Variants in TDRD10 observed in about 807,000 individuals in gnomAD.
TDRD10 encodes the protein tudor domain containing 10.
In TDRD10, 40 loss-of-function variants were observed where a neutral mutation model predicts 48.0. That is an observed-to-expected ratio of 0.83 (90% CI 0.65 to 1.09). The LOEUF is 1.09. Ranked by LOEUF, TDRD10 falls within the 50% of genes least tolerant of loss-of-function variation. TDRD10 has a pLI of 0.00. For synonymous variants in TDRD10, 162 were observed against 170.4 expected (o/e 0.95, Z 0.38); for missense variants, 378 against 434.7 (o/e 0.87, Z 1.16).
In TDRD10 at chr1:154,502,235, C is replaced by T. The variant is rs1414627283; in HGVS notation, c.-822C>T. On this transcript the variant is annotated 5_prime_UTR_variant, in exon 1 of 13. Transcript: ENST00000368482. ...CCCGGGCTCGTCTTCAACGCCTGCC[C>T]GGCCCGAGGACACCGTGGCTCTCGG... The T allele has an allele frequency of 7.6e-6, 2 of 263,330 alleles. No homozygotes were observed. Among genetic ancestry groups the T allele is most frequent in the African/African-American group, 2.2e-5 (1 of 44,552 alleles). The allele number at this position is 263,330 out of a possible 1,614,324, so 16.3% of individuals were successfully genotyped here.
chr1:154,517,823 G>A (rs915947014), intron 4 of TDRD10, among the ~76,000 whole-genome samples: 1 of 152,152 alleles, frequency 6.6e-6, no homozygotes, highest in Non-Finnish European at 1.5e-5. Flanking sequence ...GAACCGGCTT[G>A]TACGCATATC....
intron 6 of TDRD10, 67 bp downstream of exon 6, chr1:154,521,546 C>A: frequency 6.5e-7 from 1 of 1,531,568 alleles, no homozygotes; most frequent in South Asian, 1.2e-5. Context: ...GCTGACTTTG[C>A]TTTCAGTGCT....
chr1:154,504,967 A>G (rs571953991), intron 1 of TDRD10, among the ~76,000 whole-genome samples: 65 of 152,320 alleles, frequency 4.3e-4, no homozygotes, highest in African/African-American at 1.4e-3. Flanking sequence ...AGCCTGGGCG[A>G]CAGAGTGAGA....
chr1:154,533,295 C>G (rs1694744996), intron 6 of TDRD10, among the ~76,000 whole-genome samples: 1 of 150,784 alleles, frequency 6.6e-6, no homozygotes, highest in Non-Finnish European at 1.5e-5. Context: ...TACAAGCTTT[C>G]TGTCTTCCTA....
At chr1:154,540,062 T>C (rs1343399174) in intron 6 of TDRD10, among the ~76,000 whole-genome samples, 5 of 152,168 alleles carry the variant, frequency 3.3e-5, no homozygotes, top group Non-Finnish European at 7.3e-5. Context: ...GTCAAGACTT[T>C]GGGTTTTATT....
chr1:154,542,760 G>A lies in TDRD10; in HGVS notation c.442G>A (p.Val148Ile), dbSNP rs1017822728. The change falls in exon 8 of 13, where the codon GTT (valine) becomes ATT (isoleucine). Residue 148 changes from valine (V) to isoleucine (I), a missense_variant. Val to Ile is a conservative substitution (Grantham distance 29, BLOSUM62 3). Transcript: ENST00000368482. ...AIIQLAPKAP[V>I]DLCETEKLRA... is the part of the protein sequence containing the mutation. ...TATACAGCTCGCTCCTAAAGCTCCT[G>A]TTGACCTGTGTGAGACAGAGAAACT... 6.2e-7 allele frequency: 1 copy of A among 1,613,938 alleles called. No homozygotes were observed. Among genetic ancestry groups the A allele is most frequent in the Non-Finnish European group, 8.5e-7 (1 of 1,179,872 alleles).
chr1:154,505,049 T>A lies in TDRD10; in HGVS notation c.-27-1828T>A, dbSNP rs536769556. On this transcript the variant is annotated intron_variant, in intron 1 of 12. Coordinates refer to ENST00000368482, the MANE Select transcript of TDRD10 (RefSeq NM_182499.4). ...TAGGTTACTTCTCCAGACCAAACAATAGATTGGAAGGAAACTCAGGACTTT... is the reference window on the plus strand; with the variant it reads ...TAGGTTACTTCTCCAGACCAAACAAAAGATTGGAAGGAAACTCAGGACTTT... Among the ~76,000 whole-genome samples the A allele has an allele frequency of 2.6e-5, 4 of 152,228 alleles. No homozygotes were observed. In the East Asian group the frequency reaches 7.7e-4, roughly 29 times the overall value.
At position 154,544,572 on chromosome 1, in the gene TDRD10, C is replaced by T. The variant is rs536860051; in HGVS notation, c.797+55C>T. ...GGGAGAGGCGTGCAGGGAAAATGCT[C>T]CCTTCTTGCATTCTCTTCCTTTGGG... On this transcript the variant is annotated intron_variant, in intron 10 of 12. Transcript: ENST00000368482. The T allele has an allele frequency of 3.2e-6, 5 of 1,577,060 alleles. No homozygotes were observed. In the South Asian group the frequency reaches 5.8e-5, roughly 18 times the overall value.
intron 4 of TDRD10, among the ~76,000 whole-genome samples, chr1:154,519,978 G>C (rs1298886556): frequency 6.6e-6 from 1 of 152,220 alleles, no homozygotes; most frequent in African/African-American, 2.4e-5. Flanking sequence ...CTTCCTGGGA[G>C]CATACCCTGA....
chr1:154,521,352 A>G lies in TDRD10; in HGVS notation c.242A>G (p.Gln81Arg), dbSNP rs1463666085. The change falls in exon 6 of 13, where the codon CAG becomes CGG. Residue 81 changes from glutamine to arginine, a missense_variant. Around this residue, in one of 2 missense-constraint regions of TDRD10, gnomAD observed 310 missense variants for 323.6 expected, o/e 0.96. Transcript: ENST00000368482. ...CFAFVDLGSM[Q>R]KVTLAIQELN... is the part of the protein sequence containing the mutation. ...GCATTTGTAGATCTGGGCTCCATGCAGAAAGTGACACTTGCAATCCAGGAG... is the reference window on the plus strand; with the variant it reads ...GCATTTGTAGATCTGGGCTCCATGCGGAAAGTGACACTTGCAATCCAGGAG... The G allele has an allele frequency of 1.1e-5, 17 of 1,614,046 alleles. No homozygotes were observed. The South Asian group carries it at 1.9e-4, about 18-fold the overall frequency.
intron 11 of TDRD10, 34 bp from the exon 12 acceptor site, chr1:154,547,375 C>A: frequency 6.2e-7 from 1 of 1,613,422 alleles, no homozygotes; most frequent in Non-Finnish European, 8.5e-7. Context: ...AACCCCGTGC[C>A]ACTGAGGTTT....
chr1:154,541,094 TGGG>T (rs1050061692), intron 6 of TDRD10, among the ~76,000 whole-genome samples: 6 of 151,846 alleles, frequency 4.0e-5, no homozygotes, highest in Middle Eastern at 3.2e-3. Flanking sequence ...AAGCAGGAAT[TGGG>T]GGAGCTGTGA....
At chr1:154,532,556 G>T (rs142551576) in intron 6 of TDRD10, among the ~76,000 whole-genome samples, 1 of 152,324 alleles carries the variant, frequency 6.6e-6, no homozygotes, top group African/African-American at 2.4e-5. Context: ...CTCCTCAAGC[G>T]CGGCCAGAAT....
In TDRD10 at chr1:154,507,224, A is replaced by C. The variant is rs764169226; in HGVS notation, c.3-17A>C. On this transcript the variant is annotated splice_polypyrimidine_tract_variant and intron_variant, in intron 2 of 12. Coordinates refer to ENST00000368482, the MANE Select transcript of TDRD10 (RefSeq NM_182499.4). Reference sequence around the variant, plus strand: ...TCTGAGCTTGGGAGGTTCGATGCTGACACCTGTGTTTGACAGGTCCTGGAA... The same window carrying C: ...TCTGAGCTTGGGAGGTTCGATGCTGCCACCTGTGTTTGACAGGTCCTGGAA... 1.9e-6 allele frequency: 3 copies of C among 1,613,796 alleles called. No individual in the cohort carries two copies. In the East Asian group the frequency reaches 6.7e-5, roughly 36 times the overall value.
intron 6 of TDRD10, among the ~76,000 whole-genome samples, chr1:154,539,462 C>T (rs1695106186): frequency 6.6e-6 from 1 of 152,162 alleles, no homozygotes; most frequent in African/African-American, 2.4e-5. Context: ...GCCACCACGG[C>T]CAGCTAATTT....
At chr1:154,542,950 G>A (rs1695328658) in intron 8 of TDRD10, 129 bp downstream of exon 8, 1 of 662,240 alleles carries the variant, frequency 1.5e-6, no homozygotes, top group African/African-American at 1.8e-5. Context: ...TCAGACCCAG[G>A]CTGTAAGGCT....
chr1:154,543,866 C>A, intron 8 of TDRD10, 97 bp from the exon 9 acceptor site: 1 of 1,536,200 alleles, frequency 6.5e-7, no homozygotes, highest in South Asian at 1.2e-5. Flanking sequence ...ATCCCCCAGG[C>A]AGTTCAGCCT....
At chr1:154,535,741 A>G (rs1694887210) in intron 6 of TDRD10, among the ~76,000 whole-genome samples, 2 of 152,210 alleles carry the variant, frequency 1.3e-5, no homozygotes, top group African/African-American at 2.4e-5. Context: ...TGTGTGCCCC[A>G]TGTACCTGTT....
chr1:154,545,094 A>AC, intron 11 of TDRD10, 145 bp downstream of exon 11: 1 of 1,100,948 alleles, frequency 9.1e-7, no homozygotes, highest in Non-Finnish European at 1.3e-6. Context: ...TCAGCATATG[A>AC]CCCCTGCAAA....
Sources: gnomAD v4.1 joint callset for allele counts (sites outside exome capture counted in the v4.1 genomes callset) on GRCh38, gnomAD v4.1.1 for gene constraint, gnomAD v4.1.1 regional missense constraint, MANE v1.5 for transcripts, NCBI Gene and HGNC (gene_info 2026-07-23, HGNC 2026-07-21) for gene names.